PRKCE: variants seen among roughly 807,000 people sequenced by gnomAD.
The protein encoded by PRKCE is protein kinase C epsilon, also known as protein kinase C epsilon type.
A neutral mutation model predicts 85.4 loss-of-function variants in PRKCE; 16 were observed. The observed-to-expected ratio is 0.19, with a 90% CI of 0.13 to 0.28. The LOEUF (loss-of-function observed/expected upper bound fraction) is 0.28. PRKCE is among the 10% of genes least tolerant of loss of function. The pLI, the probability that PRKCE is intolerant of heterozygous loss-of-function variation, is 1.00. For synonymous variants in PRKCE, 388 were observed against 371.5 expected, an observed-to-expected ratio of 1.04 and a Z score of -0.51; for missense variants, 573 against 975.2, an observed-to-expected ratio of 0.59 and a Z score of 5.49.
chr2:45,992,328 C>A (rs1358574949), intron 6 of PRKCE, among the ~76,000 whole-genome samples: 3 of 152,100 alleles, frequency 2.0e-5, no homozygotes, highest in Non-Finnish European at 4.4e-5. Flanking sequence ...GACAAGCGGC[C>A]GATCGTGGTC....
At chr2:45,766,490 C>T (rs778790806) in intron 1 of PRKCE, among the ~76,000 whole-genome samples, 2 of 152,062 alleles carry the variant, frequency 1.3e-5, no homozygotes, top group African/African-American at 2.4e-5. Context: ...GGAGAGATTC[C>T]TAGAGAATTA....
At chr2:45,856,329 C>T (rs966307761) in intron 2 of PRKCE, among the ~76,000 whole-genome samples, 10 of 152,160 alleles carry the variant, frequency 6.6e-5, no homozygotes, top group Admixed American at 1.3e-4. Flanking sequence ...CTCTCAGGTT[C>T]GAGTAATTCT....
At chr2:46,036,591 A>G (rs999021053) in intron 10 of PRKCE, among the ~76,000 whole-genome samples, 12 of 152,116 alleles carry the variant, frequency 7.9e-5, no homozygotes, top group Admixed American at 2.6e-4. Context: ...CCTTGTCTCA[A>G]AAATAAGCTT....
At chr2:45,802,439 A>G (rs75927881) in intron 1 of PRKCE, among the ~76,000 whole-genome samples, 4,932 of 152,064 alleles carry the variant, frequency 0.032, 176 homozygotes, top group East Asian at 0.089. Context: ...TCTTAAAGTG[A>G]TAGTATCTTA....
rs1680437442 is a variant in PRKCE at position 46,186,178 on chromosome 2, T to C, written c.*1297T>C. 6.5e-6 allele frequency: 1 copy of C among 152,672 alleles called. No individual in the cohort carries two copies. Among genetic ancestry groups the C allele is most frequent in the Non-Finnish European group, 1.5e-5 (1 of 68,044 alleles). 9.5% of individuals were successfully genotyped at this position (152,672 alleles called of 1,614,324 possible). On this transcript the variant is annotated 3_prime_UTR_variant, in exon 15 of 15. Transcript: ENST00000306156. ...TCCTGTAGATATGCTAACAGTGTTA[T>C]TCTTTCATTTCCAAGGGTTCTCTGT...
chr2:45,704,767 A>T (rs1678968173), intron 1 of PRKCE, among the ~76,000 whole-genome samples: 1 of 152,176 alleles, frequency 6.6e-6, no homozygotes, highest in African/African-American at 2.4e-5. Context: ...AGCAGTTTTC[A>T]CCTAAGTGTT....
chr2:45,687,049 C>T (rs1677350882), intron 1 of PRKCE, among the ~76,000 whole-genome samples: 1 of 151,994 alleles, frequency 6.6e-6, no homozygotes, highest in Admixed American at 6.5e-5. Flanking sequence ...TACAGTCTTC[C>T]TAGGTATAAC....
At chr2:45,975,798 C>G (rs1702410318) in intron 2 of PRKCE, among the ~76,000 whole-genome samples, 1 of 152,152 alleles carries the variant, frequency 6.6e-6, no homozygotes, top group Non-Finnish European at 1.5e-5. Flanking sequence ...GGTCTTGAGC[C>G]TTCGAGAAAC....
chr2:45,951,519 T>A (rs545076620), intron 2 of PRKCE, among the ~76,000 whole-genome samples: 1 of 152,348 alleles, frequency 6.6e-6, no homozygotes, highest in East Asian at 1.9e-4. Context: ...ACAGCCCTTT[T>A]GGCTTGGGGC....
chr2:45,924,785 A>G (rs1398064862), intron 2 of PRKCE, among the ~76,000 whole-genome samples: 2 of 152,256 alleles, frequency 1.3e-5, no homozygotes, highest in African/African-American at 2.4e-5. Flanking sequence ...AAAGAGTTGC[A>G]TGGAAATTAA....
intron 2 of PRKCE, among the ~76,000 whole-genome samples, chr2:45,890,423 A>G (rs1239875176): frequency 6.6e-6 from 1 of 152,146 alleles, no homozygotes; most frequent in Non-Finnish European, 1.5e-5. Flanking sequence ...TCTGTCTCCC[A>G]GACTGGATTG....
chr2:45,906,652 T>C (rs878812), intron 2 of PRKCE, among the ~76,000 whole-genome samples: 38,194 of 152,158 alleles, frequency 0.25, 5,727 homozygotes, highest in South Asian at 0.36. Flanking sequence ...AAGCTATCTC[T>C]GCCTTGACAG....
intron 1 of PRKCE, among the ~76,000 whole-genome samples, chr2:45,832,163 C>T (rs903898607): frequency 1.2e-4 from 19 of 152,164 alleles, no homozygotes; most frequent in African/African-American, 4.3e-4. Context: ...AGCAATTATT[C>T]CCCAAAGTTG....
At position 45,892,469 on chromosome 2, in the gene PRKCE, G is replaced by A. The variant is rs112327713; in HGVS notation, c.412+49406G>A. Among the ~76,000 whole-genome samples the A allele has an allele frequency of 8.4e-3, 1,271 of 152,204 alleles. 19 individuals are homozygous for A. Among genetic ancestry groups the A allele is most frequent in the African/African-American group, 0.028 (1,173 of 41,514 alleles). ...GAAAAGTGAAGTGCATAAATCATAC[G>A]TTGAGTGTTGACAAGCTGAGGACTT... On this transcript the variant is annotated intron_variant, in intron 2 of 14. Coordinates refer to ENST00000306156, the MANE Select transcript of PRKCE (RefSeq NM_005400.3).
intron 11 of PRKCE, among the ~76,000 whole-genome samples, chr2:46,140,535 A>T (rs1675412982): frequency 1.3e-5 from 2 of 152,224 alleles, no homozygotes. Flanking sequence ...TCCCAGATAT[A>T]TCAGAGACTT....
rs138816731 is a variant in PRKCE at position 46,173,056 on chromosome 2, C to T, written c.2068-11679C>T. On this transcript the variant is annotated intron_variant, in intron 14 of 14. Coordinates refer to ENST00000306156, the MANE Select transcript of PRKCE (RefSeq NM_005400.3). Reference sequence around the variant, plus strand: ...CTATATTCTACCAGGCTCATGGAAACCCTGAAGCCATCCTTTGAGGCAGGG... The same window carrying T: ...CTATATTCTACCAGGCTCATGGAAATCCTGAAGCCATCCTTTGAGGCAGGG... Among the ~76,000 whole-genome samples the T allele has an allele frequency of 5.1e-3, 782 of 152,360 alleles. 8 individuals are homozygous for T. The highest frequency in any genetic ancestry group is 0.018 in the African/African-American group (744 of 41,584).
At chr2:45,661,790 T>C (rs977555573) in intron 1 of PRKCE, among the ~76,000 whole-genome samples, 17 of 151,878 alleles carry the variant, frequency 1.1e-4, no homozygotes, top group Non-Finnish European at 2.1e-4. Context: ...CCACCCGCCT[T>C]GGCCTCCCAA....
intron 1 of PRKCE, among the ~76,000 whole-genome samples, chr2:45,778,275 T>C (rs1419422060): frequency 2.0e-5 from 3 of 152,068 alleles, no homozygotes; most frequent in African/African-American, 7.2e-5. Context: ...CATGAAAGTA[T>C]TGCTTTGGGA....
intron 2 of PRKCE, among the ~76,000 whole-genome samples, chr2:45,885,683 C>G (rs190556167): frequency 4.1e-4 from 63 of 152,276 alleles, no homozygotes; most frequent in African/African-American, 1.4e-3. Flanking sequence ...GTTCTCTAGC[C>G]AAAGCAAACA....
Sources: gnomAD v4.1 joint callset for allele counts (sites outside exome capture counted in the v4.1 genomes callset) on GRCh38, gnomAD v4.1.1 for gene constraint, MANE v1.5 for transcripts, NCBI Gene and HGNC (gene_info 2026-07-23, HGNC 2026-07-21) for gene names.